MYO18B: variants seen among roughly 807,000 people sequenced by gnomAD.
MYO18B encodes myosin XVIIIB, also known as unconventional myosin-XVIIIb.
Under a neutral mutation model 273.0 loss-of-function variants are expected in MYO18B, and 204 were observed. That is an observed-to-expected ratio of 0.75 (90% CI 0.67 to 0.84). The LOEUF is 0.84. MYO18B is among the 40% of genes least tolerant of loss of function. MYO18B has a pLI of 0.00. For missense variants in MYO18B, 3,212 were observed against 3,287.6 expected, an observed-to-expected ratio of 0.98 and a Z score of 0.56; for synonymous variants, 1,330 against 1,305.7, an observed-to-expected ratio of 1.02 and a Z score of -0.40.
Position 25,878,018 on chromosome 22 carries a change from C to A in MYO18B, c.4284C>A (p.Leu1428=). The part of the protein sequence containing the change: ...LEKSEKLRNE[L]RQNTDLLESK... ...AATCAGAGAAGTTGCGGAATGAACT[C>A]CGGCAGAACACAGATCTGCTAGAAA... is the stretch of plus-strand genomic sequence containing the variant. The change falls in exon 25 of 44, where the codon CTC becomes CTA. Residue 1428 remains leucine, a synonymous_variant. Transcript: ENST00000335473. 6.3e-7 allele frequency: 1 copy of A among 1,584,380 alleles called. No individual in the cohort carries two copies. Among genetic ancestry groups the A allele is most frequent in the East Asian group, 2.3e-5 (1 of 43,480 alleles).
intron 12 of MYO18B, among the ~76,000 whole-genome samples, chr22:25,818,863 G>T (rs1052383940): frequency 1.3e-5 from 2 of 152,134 alleles, no homozygotes; most frequent in Admixed American, 6.6e-5. Flanking sequence ...ATGAAGAGGT[G>T]TTGGGGGTTT....
At chr22:25,829,619 A>C (rs956381171) in intron 15 of MYO18B, among the ~76,000 whole-genome samples, 1 of 151,844 alleles carries the variant, frequency 6.6e-6, no homozygotes, top group Non-Finnish European at 1.5e-5. Context: ...CGGGCGGATC[A>C]CCTGAGGTCA....
chr22:26,057,429 GT>G, the MYO18B span, among the ~76,000 whole-genome samples: 1 of 151,636 alleles, frequency 6.6e-6, no homozygotes, highest in East Asian at 1.9e-4. Flanking sequence ...TCATAAAGTT[GT>G]CTTTATTTCA....
chr22:25,911,383 G>A (rs2092155563), intron 33 of MYO18B, among the ~76,000 whole-genome samples: 2 of 152,230 alleles, frequency 1.3e-5, no homozygotes, highest in East Asian at 3.8e-4. Context: ...GCCCTCCTGA[G>A]AACATGACTT....
In MYO18B at chr22:25,757,394, G is replaced by A. The variant is rs989925120; in HGVS notation, c.-109-3590G>A. On this transcript the variant is annotated intron_variant, in intron 1 of 43. Coordinates refer to ENST00000335473, the MANE Select transcript of MYO18B (RefSeq NM_032608.7). The stretch of plus-strand genomic sequence containing the variant: ...GGTCGGATCACAAGGTCAGGAGTTC[G>A]AGACTAGCCTGGCCAACATGACGAA... Among the ~76,000 whole-genome samples the A allele has an allele frequency of 3.9e-5, 6 of 151,976 alleles. No homozygotes were observed. In the East Asian group the frequency reaches 7.8e-4, roughly 20 times the overall value.
chr22:25,769,317 C>G lies in MYO18B; in HGVS notation c.1401C>G (p.Ser467Arg). ...TGGAGACAGAGCTGGAAGGACCCAG[C>G]CAGCCTGCTCTGGAGAAGGATGCAG... ...GALETELEGPSQPALEKDAER... is the reference protein window; with the variant it reads ...GALETELEGPRQPALEKDAER... Residue 467 changes from serine (S) to arginine (R), a missense_variant, in exon 4 of 44, where the codon AGC (serine) becomes AGG (arginine). By Grantham distance (110) the Ser-to-Arg change is moderately radical. Coordinates refer to ENST00000335473, the MANE Select transcript of MYO18B (RefSeq NM_032608.7). 2 of 1,578,596 alleles carry G rather than the reference C, an allele frequency of 1.3e-6. No individual in the cohort carries two copies. Among genetic ancestry groups the G allele is most frequent in the Non-Finnish European group, 1.7e-6 (2 of 1,162,852 alleles).
the MYO18B span, among the ~76,000 whole-genome samples, chr22:26,050,577 T>C: frequency 6.6e-6 from 1 of 152,170 alleles, no homozygotes. Flanking sequence ...CCTGGTCTTA[T>C]TGTATCTGAA....
chr22:25,847,247 G>A (rs976990295), intron 19 of MYO18B, among the ~76,000 whole-genome samples, 183 bp from the exon 20 acceptor site: 8 of 152,242 alleles, frequency 5.3e-5, no homozygotes, highest in African/African-American at 1.9e-4. Context: ...TTCTCCATCT[G>A]TTTCAACAAG....
chr22:26,027,092 A>G lies in MYO18B; in HGVS notation c.7118A>G (p.Asp2373Gly). The G allele has an allele frequency of 1.2e-6, 2 of 1,613,994 alleles. No homozygotes were observed. Among genetic ancestry groups the G allele is most frequent in the Non-Finnish European group, 1.7e-6 (2 of 1,179,872 alleles). The change falls in exon 43 of 44, where the codon GAC (aspartate) becomes GGC (glycine). Residue 2373 changes from aspartate to glycine, a missense_variant. Asp to Gly is a moderately conservative substitution (Grantham distance 94). Transcript: ENST00000335473. This position sits in a 1 kb window ranked among gnomAD's most constrained non-coding sequence, Gnocchi z 4.1. ...CTGAGCTCTCCGACCACACCCAGGGACATGCTGTTGTCGCCCACACTGCGT... is the reference window on the plus strand; with the variant it reads ...CTGAGCTCTCCGACCACACCCAGGGGCATGCTGTTGTCGCCCACACTGCGT... ...RKLSSPTTPRDMLLSPTLRPR... is the reference protein window; with the variant it reads ...RKLSSPTTPRGMLLSPTLRPR...
Position 25,911,025 on chromosome 22 carries a change from G to A in MYO18B, c.5339G>A (p.Gly1780Asp), listed in dbSNP as rs745876232. 1 of 1,605,508 alleles carries A rather than the reference G, an allele frequency of 6.2e-7. No homozygotes were observed. Among genetic ancestry groups the A allele is most frequent in the Non-Finnish European group, 8.5e-7 (1 of 1,176,148 alleles). Reference sequence around the variant, plus strand: ...CTCCATGAGAAGCAAGATTTGGAAGGCTTGATCGGAACCCTCTGTGACCAG... The same window carrying A: ...CTCCATGAGAAGCAAGATTTGGAAGACTTGATCGGAACCCTCTGTGACCAG... ...MVLHEKQDLE[G>D]LIGTLCDQIG... Residue 1780 changes from glycine to aspartate, a missense_variant, in exon 33 of 44, where the codon GGC becomes GAC. By Grantham distance (94) the Gly-to-Asp change is moderately conservative. Transcript: ENST00000335473.
chr22:25,790,184 T>C (rs2087599649), intron 11 of MYO18B, among the ~76,000 whole-genome samples: 1 of 152,220 alleles, frequency 6.6e-6, no homozygotes, highest in African/African-American at 2.4e-5. Context: ...ACAAATATTA[T>C]TTTTAATGAC....
At position 26,027,522 on chromosome 22, in the gene MYO18B, G is replaced by A. The variant is rs751038862; in HGVS notation, c.7548G>A (p.Val2516=). 5 of 1,613,854 alleles carry A rather than the reference G, an allele frequency of 3.1e-6. No homozygotes were observed. The South Asian group carries it at 3.3e-5, about 11-fold the overall frequency. ...CGTCCTCATCCTCCGGCTCCATCGTGTCCTTCAAAAGTGCTGACAGCATCA... is the reference window on the plus strand; with the variant it reads ...CGTCCTCATCCTCCGGCTCCATCGTATCCTTCAAAAGTGCTGACAGCATCA... The part of the protein sequence containing the change: ...SDSSSSSGSI[V]SFKSADSIKS... Residue 2516 remains valine, a synonymous_variant, in exon 43 of 44, where the codon GTG becomes GTA. Transcript: ENST00000335473. The surrounding 1 kb of genome is among the most constrained non-coding windows in gnomAD (Gnocchi z 4.1).
chr22:26,047,272 A>G, the MYO18B span, among the ~76,000 whole-genome samples: 48 of 151,848 alleles, frequency 3.2e-4, no homozygotes, highest in African/African-American at 1.1e-3. Context: ...GACTACAGGC[A>G]CCCGCCACCA....
chr22:26,044,524 G>A, the MYO18B span, among the ~76,000 whole-genome samples: 2,406 of 152,258 alleles, frequency 0.016, 69 homozygotes, highest in African/African-American at 0.056. Context: ...AGTGCTTAAC[G>A]TGGAGTGTCT....
At chr22:25,979,660 GA>G (rs1402421891) in intron 39 of MYO18B, among the ~76,000 whole-genome samples, 3 of 152,184 alleles carry the variant, frequency 2.0e-5, no homozygotes, top group Non-Finnish European at 4.4e-5. Flanking sequence ...TTAGGGATGG[GA>G]AAGCTAGGAG....
At chr22:25,925,245 T>A (rs915897347) in intron 34 of MYO18B, among the ~76,000 whole-genome samples, 2 of 151,910 alleles carry the variant, frequency 1.3e-5, no homozygotes, top group Non-Finnish European at 2.9e-5. Flanking sequence ...CACCCCATTT[T>A]AAAAAAATCA....
intron 11 of MYO18B, among the ~76,000 whole-genome samples, chr22:25,792,221 T>C (rs5761186): frequency 0.74 from 112,533 of 152,056 alleles, 41,762 homozygotes; most frequent in East Asian, 0.86. Flanking sequence ...CCTCTCTGAG[T>C]CTCCATTGCC....
intron 28 of MYO18B, chr22:25,897,103 T>C (rs2091823235): frequency 6.6e-6 from 1 of 152,254 alleles, no homozygotes; most frequent in East Asian, 1.9e-4. Context: ...AATGTCACTC[T>C]CTCCAGAAAG....
At chr22:25,915,201 A>G (rs1243798252) in intron 33 of MYO18B, among the ~76,000 whole-genome samples, 3 of 152,140 alleles carry the variant, frequency 2.0e-5, no homozygotes, top group African/African-American at 7.2e-5. Flanking sequence ...TGTGATACAC[A>G]TATTTGCAGT....
Sources: allele counts gnomAD v4.1 joint callset (sites outside exome capture counted in the v4.1 genomes callset), GRCh38; gene constraint gnomAD v4.1.1; non-coding constraint Gnocchi (gnomAD v3.1); transcripts MANE v1.5; gene names NCBI Gene and HGNC (gene_info 2026-07-23, HGNC 2026-07-21).